TMEM67: variants seen among roughly 807,000 people sequenced by gnomAD.
TMEM67 encodes the protein meckelin.
In TMEM67, 124 loss-of-function variants were observed where a neutral mutation model predicts 136.6. The observed-to-expected ratio is 0.91, with a 90% CI of 0.78 to 1.05. The LOEUF (loss-of-function observed/expected upper bound fraction) is 1.05. Ranked by LOEUF, TMEM67 falls within the 50% of genes least tolerant of loss-of-function variation. TMEM67 has a pLI of 0.00. For missense variants in TMEM67, 1,107 were observed against 1,178.4 expected (o/e 0.94, Z 0.89); for synonymous variants, 364 against 390.5 (o/e 0.93, Z 0.80).
chr8:93,805,758 A>G (rs919904881), intron 23 of TMEM67, among the ~76,000 whole-genome samples: 2 of 152,222 alleles, frequency 1.3e-5, no homozygotes, highest in Non-Finnish European at 1.5e-5. Flanking sequence ...ATTCTAAGTT[A>G]GAAAAATTAC....
intron 11 of TMEM67, among the ~76,000 whole-genome samples, chr8:93,784,015 G>T: frequency 6.6e-6 from 1 of 152,282 alleles, no homozygotes; most frequent in East Asian, 1.9e-4. Flanking sequence ...AAAGTTCCAC[G>T]CACAACCATA....
intron 25 of TMEM67, 139 bp downstream of exon 25, chr8:93,809,300 C>T: frequency 1.5e-6 from 1 of 674,616 alleles, no homozygotes; most frequent in Non-Finnish European, 2.7e-6. Flanking sequence ...CTTTTTTTGT[C>T]TGTCACATTC....
chr8:93,829,414 C>T, the TMEM67 span, among the ~76,000 whole-genome samples: 304 of 147,224 alleles, frequency 2.1e-3, no homozygotes, highest in African/African-American at 7.3e-3. Flanking sequence ...GTGTGTGTAT[C>T]TTTTCACTAA....
At chr8:93,814,652 C>CTTT (rs1298820889) in intron 26 of TMEM67, among the ~76,000 whole-genome samples, 17 of 138,570 alleles carry the variant, frequency 1.2e-4, no homozygotes, top group African/African-American at 4.3e-4. Context: ...TTCTTTCTTT[C>CTTT]TTTTTTTTTT....
At chr8:93,828,518 T>C in the TMEM67 span, among the ~76,000 whole-genome samples, 1 of 152,150 alleles carries the variant, frequency 6.6e-6, no homozygotes, top group African/African-American at 2.4e-5. Flanking sequence ...GGTGGGTGGA[T>C]TGCTTGAGGT....
At chr8:93,766,614 A>G (rs962104863) in intron 6 of TMEM67, among the ~76,000 whole-genome samples, 6 of 152,222 alleles carry the variant, frequency 3.9e-5, no homozygotes, top group African/African-American at 1.4e-4. Context: ...AACATTGAAG[A>G]TGCTTAGTAT....
intron 7 of TMEM67, among the ~76,000 whole-genome samples, chr8:93,779,960 A>G (rs1167163507): frequency 6.6e-6 from 1 of 152,194 alleles, no homozygotes; most frequent in African/African-American, 2.4e-5. Context: ...CCTTTTGTTC[A>G]GCTATGCCCT....
chr8:93,799,170 T>C (rs1814756718), intron 20 of TMEM67, among the ~76,000 whole-genome samples: 1 of 152,126 alleles, frequency 6.6e-6, no homozygotes, highest in Admixed American at 6.5e-5. Context: ...TATTTAAACA[T>C]AGATTCTTTT....
In TMEM67 at chr8:93,797,174, T is replaced by A. The variant is rs772341847; in HGVS notation, c.1901T>A (p.Ile634Lys). The A allele has an allele frequency of 1.2e-6, 2 of 1,612,562 alleles. No homozygotes were observed. The highest frequency in any genetic ancestry group is 2.7e-5 in the African/African-American group (2 of 74,900). ...FLHKLISQIT[I>K]DVFFIDWERP... ...CATAAGCTCATATCCCAGATTACAATAGATGTATTCTTTATTGATTGGGAG... is the reference window on the plus strand; with the variant it reads ...CATAAGCTCATATCCCAGATTACAAAAGATGTATTCTTTATTGATTGGGAG... The change falls in exon 19 of 28, where the codon ATA becomes AAA. Residue 634 changes from isoleucine (I) to lysine (K), a missense_variant. By Grantham distance (102) the Ile-to-Lys change is moderately radical. Transcript: ENST00000453321.
In TMEM67 at chr8:93,785,329, G is replaced by C; in HGVS notation, c.1239G>C (p.Val413=). The change falls in exon 12 of 28, where the codon GTG becomes GTC. Residue 413 remains valine, a synonymous_variant. Transcript: ENST00000453321. Reference sequence around the variant, plus strand: ...ATCAACATCAATATATTTTGGCTGTGCCTGTGTTAAACCTAAATCTTCAAC... The same window carrying C: ...ATCAACATCAATATATTTTGGCTGTCCCTGTGTTAAACCTAAATCTTCAAC... ...DENQHQYILA[V]PVLNLNLQHN... 1 of 1,611,372 alleles carries C rather than the reference G, an allele frequency of 6.2e-7. No individual in the cohort carries two copies. The highest frequency in any genetic ancestry group is 2.2e-5 in the East Asian group (1 of 44,702).
intron 14 of TMEM67, among the ~76,000 whole-genome samples, chr8:93,788,999 A>AG (rs1814249181): frequency 1.3e-5 from 2 of 152,206 alleles, no homozygotes; most frequent in Non-Finnish European, 1.5e-5. Context: ...GTAAAAAAAA[A>AG]CAGAGGTAAT....
downstream of TMEM67, chr8:93,818,191 A>G (rs543971209): frequency 2.6e-5 from 4 of 152,198 alleles, no homozygotes; most frequent in Non-Finnish European, 4.4e-5. Context: ...TATTCACTAG[A>G]TTCATTACCC....
chr8:93,777,859 T>A (rs1036822536), intron 7 of TMEM67, among the ~76,000 whole-genome samples: 4 of 152,204 alleles, frequency 2.6e-5, no homozygotes, highest in African/African-American at 9.6e-5. Flanking sequence ...TCTGTAGGTG[T>A]CTATTAGGTC....
intron 7 of TMEM67, among the ~76,000 whole-genome samples, chr8:93,778,556 T>A (rs116098191): frequency 0.018 from 2,787 of 152,284 alleles, 87 homozygotes; most frequent in African/African-American, 0.061. Flanking sequence ...CCTGGTGGTG[T>A]CAAAATCTCT....
intron 14 of TMEM67, among the ~76,000 whole-genome samples, chr8:93,788,557 A>G (rs1814227198): frequency 3.3e-5 from 5 of 152,184 alleles, no homozygotes. Flanking sequence ...GCAAGACTCC[A>G]TCTCAAAATA....
chr8:93,812,957 A>T (rs1182568851), intron 26 of TMEM67, among the ~76,000 whole-genome samples: 1 of 151,766 alleles, frequency 6.6e-6, no homozygotes, highest in Non-Finnish European at 1.5e-5. Flanking sequence ...GCTGGTCTTG[A>T]ACCCCTGACC....
chr8:93,770,214 C>T (rs937709660), intron 6 of TMEM67, among the ~76,000 whole-genome samples: 1 of 152,170 alleles, frequency 6.6e-6, no homozygotes, highest in African/African-American at 2.4e-5. Flanking sequence ...TTTGCTTTAT[C>T]TCTCTGTATA....
downstream of TMEM67, among the ~76,000 whole-genome samples, chr8:93,823,688 T>C (rs574900220): frequency 2.0e-5 from 3 of 152,258 alleles, no homozygotes; most frequent in East Asian, 3.9e-4. Context: ...TGGGTCTAGA[T>C]TGACCATTTG....
At chr8:93,789,088 A>G (rs1243579776) in intron 14 of TMEM67, among the ~76,000 whole-genome samples, 2 of 152,204 alleles carry the variant, frequency 1.3e-5, no homozygotes, top group Non-Finnish European at 2.9e-5. Flanking sequence ...GAGCATAAGC[A>G]TTTCTTACCT....
Sources: allele counts gnomAD v4.1 joint callset (sites outside exome capture counted in the v4.1 genomes callset), GRCh38; gene constraint gnomAD v4.1.1; transcripts MANE v1.5; gene names NCBI Gene and HGNC (gene_info 2026-07-23, HGNC 2026-07-21).